DMD: variants seen among roughly 807,000 people sequenced by gnomAD.
The protein encoded by DMD is dystrophin.
Under a neutral mutation model 330.1 loss-of-function variants are expected in DMD, and 63 were observed. The observed-to-expected ratio is 0.19, with a 90% CI of 0.16 to 0.24. The LOEUF is 0.24. Among genes scored for constraint, DMD ranks in the 10% least tolerant of loss-of-function variants. DMD has a pLI of 1.00. For synonymous variants in DMD, 1,223 were observed against 959.8 expected (o/e 1.27, Z -5.07); for missense variants, 3,344 against 2,684.1 (o/e 1.25, Z -5.43).
At chrX:31,186,746 C>A (rs1351067873) in intron 67 of DMD, among the ~76,000 whole-genome samples, 1 of 112,439 alleles carries the variant, frequency 8.9e-6, no homozygotes, top group African/African-American at 3.2e-5. Context: ...AAGAATTATG[C>A]AATCTAAAAA....
At chrX:32,464,728 C>G (rs773309859) in intron 23 of DMD, 29 bp from the exon 24 acceptor site, 6 of 994,869 alleles carry the variant, frequency 6.0e-6, no homozygotes, top group Middle Eastern at 5.1e-4. Context: ...TAAGGCATTA[C>G]TGGTGTGCTG....
chrX:33,287,540 T>C (rs919144241), intron 1 of DMD, among the ~76,000 whole-genome samples: 3 of 111,822 alleles, frequency 2.7e-5, no homozygotes, highest in African/African-American at 9.7e-5. Context: ...TTTACACTAT[T>C]GAACAATGAA....
At chrX:32,457,297 A>C (rs2098364276) in intron 25 of DMD, among the ~76,000 whole-genome samples, 1 of 111,250 alleles carries the variant, frequency 9.0e-6, no homozygotes, top group South Asian at 3.8e-4. Context: ...AGCTCTCTTA[A>C]TTGGCATCAA....
intron 2 of DMD, among the ~76,000 whole-genome samples, chrX:32,891,049 G>A (rs866338674): frequency 8.9e-6 from 1 of 111,892 alleles, no homozygotes; most frequent in African/African-American, 3.2e-5. Context: ...AAATATTTTA[G>A]CTAAATAAAA....
At position 32,217,062 on chromosome X, in the gene DMD, G is replaced by C. The variant is rs128626250; in HGVS notation, c.6292C>G (p.Arg2098Gly). The C allele has an allele frequency of 1.7e-6, 2 of 1,207,371 alleles. No individual in the cohort carries two copies. Among genetic ancestry groups the C allele is most frequent in the Non-Finnish European group, 2.2e-6 (2 of 892,506 alleles). ...CATTTCTCAACAGATCTGTCAAATC[G>C]CCTGCAGGTAAAAGCATATGGATCA... ...VNKMYKDRQG[R>G]FDRSVEKWRR... Residue 2098 changes from arginine (R) to glycine (G), a missense_variant and splice_region_variant, in exon 44 of 79, where the codon CGA becomes GGA. Transcript: ENST00000357033.
At chrX:33,111,395 A>G in intron 1 of DMD, among the ~76,000 whole-genome samples, 1 of 112,057 alleles carries the variant, frequency 8.9e-6, no homozygotes, top group South Asian at 3.7e-4. Flanking sequence ...TACTTATGGA[A>G]CAAAATAAGC....
intron 30 of DMD, among the ~76,000 whole-genome samples, chrX:32,399,075 G>C (rs750356530): frequency 1.8e-5 from 2 of 111,972 alleles, no homozygotes; most frequent in African/African-American, 3.2e-5. Flanking sequence ...ACCGTATACA[G>C]AAATCAAATC....
chrX:31,203,854 A>T, intron 67 of DMD, 107 bp downstream of exon 67: 2 of 668,498 alleles, frequency 3.0e-6, no homozygotes, highest in Non-Finnish European at 4.8e-6. Context: ...TCCCATACCT[A>T]CTGCCTACTG....
chrX:32,171,537 T>C (rs1053128402), intron 44 of DMD, among the ~76,000 whole-genome samples: 2 of 111,867 alleles, frequency 1.8e-5, no homozygotes, highest in Non-Finnish European at 3.8e-5. Context: ...GATTAAGTCA[T>C]GGACTAATTT....
chrX:33,219,037 G>A (rs2052111726), intron 1 of DMD, among the ~76,000 whole-genome samples: 1 of 111,534 alleles, frequency 9.0e-6, no homozygotes, highest in Non-Finnish European at 1.9e-5. Flanking sequence ...TTTCGGGATG[G>A]CTACTTTAAT....
chrX:31,652,492 A>C (rs1177409223), intron 54 of DMD, among the ~76,000 whole-genome samples: 1 of 111,967 alleles, frequency 8.9e-6, no homozygotes, highest in African/African-American at 3.2e-5. Context: ...GTATTTGTTG[A>C]GTAAGTAAAT....
intron 64 of DMD, among the ~76,000 whole-genome samples, chrX:31,214,131 A>G (rs760685073): frequency 1.8e-5 from 2 of 112,429 alleles, no homozygotes; most frequent in East Asian, 5.6e-4. Flanking sequence ...GTGGAGTCCC[A>G]ACCAAAAAGC....
At chrX:32,060,089 A>G (rs1276312528) in intron 44 of DMD, among the ~76,000 whole-genome samples, 1 of 105,852 alleles carries the variant, frequency 9.4e-6, no homozygotes, top group African/African-American at 3.5e-5. Flanking sequence ...CAGCAGACCC[A>G]CCGATTACTT....
chrX:33,041,483 C>G, intron 1 of DMD: 1 of 1,204,803 alleles, frequency 8.3e-7, no homozygotes, highest in Non-Finnish European at 1.1e-6. Flanking sequence ...GAAAAAGAGG[C>G]AAAACAACAA....
At chrX:32,124,032 T>C (rs1193009588) in intron 44 of DMD, among the ~76,000 whole-genome samples, 2 of 112,191 alleles carry the variant, frequency 1.8e-5, no homozygotes, top group East Asian at 5.6e-4. Flanking sequence ...AAATACCATA[T>C]ATGGAATCTA....
chrX:31,213,548 G>A (rs1030439104), intron 64 of DMD, among the ~76,000 whole-genome samples: 1 of 111,889 alleles, frequency 8.9e-6, no homozygotes, highest in African/African-American at 3.3e-5. Flanking sequence ...TCGTGGTGTG[G>A]CTCTTGCAGA....
At chrX:32,829,823 A>G (rs202233347) in intron 4 of DMD, among the ~76,000 whole-genome samples, 1 of 111,836 alleles carries the variant, frequency 8.9e-6, no homozygotes, top group East Asian at 2.8e-4. Flanking sequence ...TCAAAGATAA[A>G]TGAAGCTTCC....
At chrX:33,005,309 T>TATAA (rs745454756) in intron 2 of DMD, among the ~76,000 whole-genome samples, 23 of 108,142 alleles carry the variant, frequency 2.1e-4, no homozygotes, top group Middle Eastern at 8.6e-3. Flanking sequence ...TATATATATA[T>TATAA]AATATGTCAA....
intron 44 of DMD, among the ~76,000 whole-genome samples, chrX:32,198,465 T>C (rs985670459): frequency 8.9e-6 from 1 of 111,781 alleles, no homozygotes; most frequent in African/African-American, 3.2e-5. Context: ...CGCTATGAAG[T>C]TCAATGCAAA....
Sources: allele counts gnomAD v4.1 joint callset (sites outside exome capture counted in the v4.1 genomes callset), GRCh38; gene constraint gnomAD v4.1.1; transcripts MANE v1.5; gene names NCBI Gene and HGNC (gene_info 2026-07-23, HGNC 2026-07-21).